Variants in KPNA4 observed in about 807,000 individuals in gnomAD.
KPNA4 encodes the protein karyopherin subunit alpha 4, also known as importin subunit alpha-3.
A neutral mutation model predicts 71.3 loss-of-function variants in KPNA4; 13 were observed. The ratio of observed to expected loss-of-function variants is 0.18; its 90% CI spans 0.12 to 0.29. The LOEUF is 0.29. KPNA4 is among the 10% of genes least tolerant of loss of function. The pLI is 1.00. For synonymous variants in KPNA4, 189 were observed against 195.2 expected (o/e 0.97, Z 0.26); for missense variants, 334 against 603.2 (o/e 0.55, Z 4.67).
intron 7 of KPNA4, 73 bp from the exon 8 acceptor site, chr3:160,528,112 CTG>C: frequency 8.9e-7 from 1 of 1,117,666 alleles, no homozygotes; most frequent in African/African-American, 1.6e-5. Flanking sequence ...TATTTTTTTG[CTG>C]AGACCTCAAA....
At chr3:160,519,380 C>A (rs1279173701) in intron 11 of KPNA4, among the ~76,000 whole-genome samples, 4 of 152,100 alleles carry the variant, frequency 2.6e-5, no homozygotes, top group Non-Finnish European at 5.9e-5. Context: ...TGGTCTTTAT[C>A]TGGATACTGA....
chr3:160,509,660 G>A (rs112332931), intron 14 of KPNA4, 140 bp downstream of exon 14: 9,187 of 656,844 alleles, frequency 0.014, 96 homozygotes, highest in Middle Eastern at 0.027. Context: ...ACAAAACCCT[G>A]GCCTCGGGTG....
chr3:160,512,554 T>C (rs1171881621), intron 13 of KPNA4, among the ~76,000 whole-genome samples: 1 of 152,184 alleles, frequency 6.6e-6, no homozygotes, highest in Admixed American at 6.5e-5. Flanking sequence ...AAAGTATTAA[T>C]AAACAATAGC....
intron 1 of KPNA4, among the ~76,000 whole-genome samples, chr3:160,547,168 A>G (rs189648014): frequency 6.6e-6 from 1 of 152,336 alleles, no homozygotes; most frequent in East Asian, 1.9e-4. Flanking sequence ...ATGACATCCA[A>G]TGTATTAATG....
intron 1 of KPNA4, among the ~76,000 whole-genome samples, chr3:160,546,181 G>A (rs958017912): frequency 6.6e-6 from 1 of 152,138 alleles, no homozygotes; most frequent in African/African-American, 2.4e-5. Context: ...AAAATAAGGG[G>A]TACAAGACTA....
intron 11 of KPNA4, among the ~76,000 whole-genome samples, chr3:160,516,064 G>A (rs901450369): frequency 6.6e-6 from 1 of 152,128 alleles, no homozygotes; most frequent in Non-Finnish European, 1.5e-5. Context: ...CTGGCTCACT[G>A]CAACCTCTAC....
chr3:160,505,280 A>T (rs907119842), intron 15 of KPNA4, among the ~76,000 whole-genome samples: 13 of 152,280 alleles, frequency 8.5e-5, no homozygotes, highest in African/African-American at 2.6e-4. Flanking sequence ...TAAATGTACA[A>T]ATAAGTGTAT....
chr3:160,550,594 A>G (rs1485460781), intron 1 of KPNA4, among the ~76,000 whole-genome samples: 2 of 152,314 alleles, frequency 1.3e-5, no homozygotes, highest in African/African-American at 4.8e-5. Context: ...TCTTACAGGA[A>G]AAGCTTTCAG....
At chr3:160,520,729 C>T (rs1465698014) in intron 11 of KPNA4, among the ~76,000 whole-genome samples, 1 of 152,064 alleles carries the variant, frequency 6.6e-6, no homozygotes, top group Non-Finnish European at 1.5e-5. Context: ...AGGGGTTGAG[C>T]AGGAGAAATT....
chr3:160,561,767 A>G (rs1358178217), intron 1 of KPNA4, among the ~76,000 whole-genome samples: 5 of 152,106 alleles, frequency 3.3e-5, no homozygotes, highest in African/African-American at 1.2e-4. Flanking sequence ...CAAGTTATAC[A>G]AGCAGAGAGA....
chr3:160,509,228 A>AG (rs1383129256), intron 14 of KPNA4, among the ~76,000 whole-genome samples: 1 of 152,132 alleles, frequency 6.6e-6, no homozygotes, highest in African/African-American at 2.4e-5. Context: ...CTAGTTCCTA[A>AG]GTCCTAGCCA....
At position 160,558,031 on chromosome 3, in the gene KPNA4, T is replaced by C. The variant is rs577758594; in HGVS notation, c.69+7183A>G. Among the ~76,000 whole-genome samples the C allele has an allele frequency of 2.0e-5, 3 of 152,294 alleles. No individual in the cohort carries two copies. The South Asian group carries it at 6.2e-4, about 32-fold the overall frequency. On this transcript the variant is annotated intron_variant, in intron 1 of 16. Coordinates refer to ENST00000334256, the MANE Select transcript of KPNA4 (RefSeq NM_002268.5). ...CTTAATCTTGTATTACCAACAAATA[T>C]CTATGACCTTAAATCATTTTCATTC...
At chr3:160,543,763 T>C (rs1721851984) in intron 1 of KPNA4, among the ~76,000 whole-genome samples, 1 of 152,174 alleles carries the variant, frequency 6.6e-6, no homozygotes, top group Non-Finnish European at 1.5e-5. Flanking sequence ...ACAAGAGCTA[T>C]TTTGTGGCTC....
At chr3:160,547,983 A>C (rs1721957148) in intron 1 of KPNA4, among the ~76,000 whole-genome samples, 1 of 152,230 alleles carries the variant, frequency 6.6e-6, no homozygotes, top group African/African-American at 2.4e-5. Context: ...AGTTGCTTCC[A>C]AGTTTTGGCA....
intron 15 of KPNA4, 73 bp downstream of exon 15, chr3:160,508,034 A>C: frequency 2.6e-6 from 3 of 1,142,896 alleles, no homozygotes; most frequent in Non-Finnish European, 3.7e-6. Flanking sequence ...TAGATGTGCT[A>C]TATTAGTCGG....
At chr3:160,520,415 CTAATT>C (rs1434885703) in intron 11 of KPNA4, among the ~76,000 whole-genome samples, 1 of 150,440 alleles carries the variant, frequency 6.6e-6, no homozygotes, top group African/African-American at 2.4e-5. Flanking sequence ...CCATGCCTGG[CTAATT>C]TTTTTTTTTT....
At chr3:160,519,639 C>CA (rs1560047305) in intron 11 of KPNA4, among the ~76,000 whole-genome samples, 1 of 149,244 alleles carries the variant, frequency 6.7e-6, no homozygotes, top group Non-Finnish European at 1.5e-5. Flanking sequence ...CTAAAAAATA[C>CA]AAAAAATTAG....
In KPNA4 at chr3:160,496,290, C is replaced by A; in HGVS notation, c.*5814G>T. The A allele has an allele frequency of 6.6e-6, 1 of 152,460 alleles. No homozygotes were observed. The highest frequency in any genetic ancestry group is 1.5e-5 in the Non-Finnish European group (1 of 68,284). The allele number at this position is 152,460 out of a possible 1,614,324, so 9.4% of individuals were successfully genotyped here. A position where few individuals can be genotyped will look rare whatever the true frequency, so the allele number is the denominator to read the frequency against. On this transcript the variant is annotated 3_prime_UTR_variant, in exon 17 of 17. Coordinates refer to ENST00000334256, the MANE Select transcript of KPNA4 (RefSeq NM_002268.5). The stretch of plus-strand genomic sequence containing the variant: ...GCAACAAGAAAGAGTAAAATGGTAA[C>A]TATGCACAAAGGATGGGGGAAAGGT...
intron 10 of KPNA4, among the ~76,000 whole-genome samples, chr3:160,524,317 T>C (rs1230195390): frequency 2.6e-5 from 4 of 152,120 alleles, no homozygotes; most frequent in Non-Finnish European, 5.9e-5. Flanking sequence ...AAGTTAAATC[T>C]TTCTTGCCAA....
Sources: gnomAD v4.1 joint callset for allele counts (sites outside exome capture counted in the v4.1 genomes callset) on GRCh38, gnomAD v4.1.1 for gene constraint, MANE v1.5 for transcripts, NCBI Gene and HGNC (gene_info 2026-07-23, HGNC 2026-07-21) for gene names.